THADA: variants seen among roughly 807,000 people sequenced by gnomAD.
THADA encodes tRNA (32-2'-O)-methyltransferase regulator THADA.
A neutral mutation model predicts 219.8 loss-of-function variants in THADA; 213 were observed. That is an observed-to-expected ratio of 0.97 (90% confidence interval 0.87 to 1.09). The LOEUF (loss-of-function observed/expected upper bound fraction) is 1.09, where lower values mean the gene tolerates loss of function less well. Ranked by LOEUF, THADA falls within the 50% of genes least tolerant of loss-of-function variation. The probability of loss-of-function intolerance (pLI) is 0.00; values close to 1 mark genes in which losing one functional copy is unlikely to be tolerated. For synonymous variants in THADA, 1,018 were observed against 828.9 expected, an observed-to-expected ratio of 1.23 and a Z score of -3.92; for missense variants, 2,956 against 2,311.3, an observed-to-expected ratio of 1.28 and a Z score of -5.72.
At chr2:43,512,599 T>C (rs1319763105) in intron 22 of THADA, among the ~76,000 whole-genome samples, 2 of 152,214 alleles carry the variant, frequency 1.3e-5, no homozygotes, top group Non-Finnish European at 2.9e-5. Context: ...GCCTCCCAGA[T>C]TCAAGTGATT....
At chr2:43,302,787 T>C (rs1676415969) in intron 31 of THADA, among the ~76,000 whole-genome samples, 1 of 152,132 alleles carries the variant, frequency 6.6e-6, no homozygotes, top group South Asian at 2.1e-4. Flanking sequence ...TATCGTGGCG[T>C]GCACCTGTAG....
intron 26 of THADA, among the ~76,000 whole-genome samples, chr2:43,436,118 C>T (rs923103309): frequency 2.0e-5 from 3 of 152,112 alleles, no homozygotes; most frequent in African/African-American, 7.2e-5. Context: ...CATAAAGGGT[C>T]TCTGTAAAAT....
intron 29 of THADA, among the ~76,000 whole-genome samples, chr2:43,363,204 G>A (rs935112380): frequency 2.6e-5 from 4 of 152,094 alleles, no homozygotes; most frequent in Non-Finnish European, 5.9e-5. Context: ...TGTCATTATC[G>A]AGTATTATGT....
rs1397565574 is a variant in THADA at position 43,572,944 on chromosome 2, G to GC, written c.1777dup (p.Ala593GlyfsTer13). 6.2e-7 allele frequency: 1 copy of GC among 1,613,832 alleles called. No homozygotes were observed. The highest frequency in any genetic ancestry group is 2.2e-5 in the East Asian group (1 of 44,866). ...CAGACATGCCATCAAAGCTCCCAGA[G>GC]CCCCCCTGCTATTACAAGACCCTAA... On this transcript the variant is annotated frameshift_variant, in exon 12 of 38. Transcript: ENST00000405975. LOFTEE classifies it high-confidence loss of function.
At chr2:43,337,833 A>G (rs1666637863) in intron 30 of THADA, among the ~76,000 whole-genome samples, 2 of 152,216 alleles carry the variant, frequency 1.3e-5, no homozygotes, top group Admixed American at 6.5e-5. Context: ...TATTCAGGTG[A>G]CAAAAATATG....
chr2:43,481,988 T>C (rs1686288512), intron 26 of THADA, among the ~76,000 whole-genome samples: 2 of 152,194 alleles, frequency 1.3e-5, no homozygotes, highest in African/African-American at 4.8e-5. Flanking sequence ...CATATTAGTT[T>C]AGCTCCTGTC....
At chr2:43,255,871 T>C (rs950684216) in intron 36 of THADA, among the ~76,000 whole-genome samples, 33 of 152,148 alleles carry the variant, frequency 2.2e-4, no homozygotes, top group African/African-American at 7.7e-4. Flanking sequence ...AGAGATCTGA[T>C]CCAAAATTCT....
At chr2:43,297,521 G>T (rs1208575521) in intron 31 of THADA, among the ~76,000 whole-genome samples, 4 of 114,388 alleles carry the variant, frequency 3.5e-5, no homozygotes, top group African/African-American at 1.8e-4. Flanking sequence ...CCCCCGCCCG[G>T]CCAGCCGTGC....
intron 31 of THADA, among the ~76,000 whole-genome samples, chr2:43,317,250 G>A (rs1678189250): frequency 6.6e-6 from 1 of 152,162 alleles, no homozygotes; most frequent in African/African-American, 2.4e-5. Context: ...CACCTTGCTT[G>A]AATTCAGAAA....
At chr2:43,281,385 A>G (rs1299506493) in intron 35 of THADA, among the ~76,000 whole-genome samples, 1 of 145,606 alleles carries the variant, frequency 6.9e-6, no homozygotes, top group Non-Finnish European at 1.5e-5. Flanking sequence ...GTCCATTTCA[A>G]TTTTTCTTTT....
At position 43,386,656 on chromosome 2, in the gene THADA, G is replaced by C. The variant is rs116194267; in HGVS notation, c.4227+11315C>G. ...CGCCTGTAATCCTAGCACTTTAGGAGGCTGAGACGGGTAGATTACCTGAGG... is the reference window on the plus strand; with the variant it reads ...CGCCTGTAATCCTAGCACTTTAGGACGCTGAGACGGGTAGATTACCTGAGG... On this transcript the variant is annotated intron_variant, in intron 29 of 37. Coordinates refer to ENST00000405975, the MANE Select transcript of THADA (RefSeq NM_022065.5). Among the ~76,000 whole-genome samples the C allele has an allele frequency of 4.3e-3, 657 of 152,242 alleles. 2 individuals are homozygous for C. Among genetic ancestry groups the C allele is most frequent in the African/African-American group, 0.015 (627 of 41,536 alleles).
rs761680850 is a variant in THADA at position 43,293,204 on chromosome 2, C to A, written c.4448G>T (p.Ser1483Ile). 1.9e-6 allele frequency: 3 copies of A among 1,602,480 alleles called. No individual in the cohort carries two copies. ...TCTGACTTCCTCCCAGAAGCCAAGA[C>A]TCTCCAGAACTAAGAAGCAAAAAAA... The part of the protein sequence containing the change: ...SAKDNQPVLE[S>I]LGFWEEVRGI... The change falls in exon 32 of 38, where the codon AGT (serine) becomes ATT (isoleucine). Residue 1483 changes from serine (S) to isoleucine (I), a missense_variant. Physicochemically the swap from Ser to Ile is moderately radical, Grantham distance 142 (BLOSUM62 -2). Coordinates refer to ENST00000405975, the MANE Select transcript of THADA (RefSeq NM_022065.5).
At chr2:43,288,392 T>C (rs1674303353) in intron 34 of THADA, among the ~76,000 whole-genome samples, 1 of 152,270 alleles carries the variant, frequency 6.6e-6, no homozygotes, top group Non-Finnish European at 1.5e-5. Context: ...CACTCCAGCC[T>C]GGGAGACAGA....
chr2:43,431,127 C>T (rs768510908), intron 26 of THADA, among the ~76,000 whole-genome samples: 1 of 152,160 alleles, frequency 6.6e-6, no homozygotes. Context: ...AGAATTACTC[C>T]GAAGGGGTGA....
At chr2:43,240,148 G>A (rs1271289433) in intron 36 of THADA, among the ~76,000 whole-genome samples, 2 of 152,202 alleles carry the variant, frequency 1.3e-5, no homozygotes, top group Non-Finnish European at 2.9e-5. Flanking sequence ...TAAGCAGGGT[G>A]GGTGAGAGGA....
intron 31 of THADA, among the ~76,000 whole-genome samples, chr2:43,295,904 G>A (rs1004553807): frequency 2.0e-5 from 3 of 150,060 alleles, no homozygotes; most frequent in African/African-American, 7.3e-5. Context: ...TGGGGCTGCA[G>A]ACAAACCTCT....
intron 17 of THADA, among the ~76,000 whole-genome samples, chr2:43,553,656 A>G (rs916986545): frequency 6.6e-6 from 1 of 152,222 alleles, no homozygotes; most frequent in Non-Finnish European, 1.5e-5. Context: ...GCAGGGTCAC[A>G]TGGTAACTCT....
intron 28 of THADA, among the ~76,000 whole-genome samples, chr2:43,418,980 G>C (rs879425928): frequency 1.3e-5 from 2 of 152,190 alleles, no homozygotes; most frequent in Non-Finnish European, 2.9e-5. Flanking sequence ...CCAGGCTGCA[G>C]TGGGTTAAGA....
At chr2:43,577,967 A>G (rs971982844) in intron 9 of THADA, among the ~76,000 whole-genome samples, 1 of 152,174 alleles carries the variant, frequency 6.6e-6, no homozygotes, top group African/African-American at 2.4e-5. Flanking sequence ...AAGAATGTAC[A>G]TCAAAAATGT....
Sources: allele counts gnomAD v4.1 joint callset (sites outside exome capture counted in the v4.1 genomes callset), GRCh38; gene constraint gnomAD v4.1.1; transcripts MANE v1.5; gene names NCBI Gene and HGNC (gene_info 2026-07-23, HGNC 2026-07-21).